GNA12: variants seen among roughly 807,000 people sequenced by gnomAD.
GNA12 encodes guanine nucleotide-binding protein subunit alpha-12.
A neutral mutation model predicts 26.0 loss-of-function variants in GNA12; 9 were observed. The observed-to-expected ratio is 0.35, with a 90% CI of 0.21 to 0.60. The LOEUF (loss-of-function observed/expected upper bound fraction) is 0.60. Ranked by LOEUF, GNA12 falls within the 20% of genes least tolerant of loss-of-function variation. The pLI, the probability that GNA12 is intolerant of heterozygous loss-of-function variation, is 0.78. For missense variants in GNA12, 405 were observed against 525.8 expected (o/e 0.77, Z 2.25); for synonymous variants, 264 against 219.6 (o/e 1.20, Z -1.79).
At chr7:2,773,917 T>C (rs1487385635) in intron 2 of GNA12, among the ~76,000 whole-genome samples, 1 of 152,072 alleles carries the variant, frequency 6.6e-6, no homozygotes, top group Non-Finnish European at 1.5e-5. Flanking sequence ...ATTCACAAAA[T>C]GGAATTACCA....
intron 2 of GNA12, among the ~76,000 whole-genome samples, chr7:2,746,697 A>C (rs535399651): frequency 1.3e-5 from 2 of 152,182 alleles, no homozygotes; most frequent in Non-Finnish European, 2.9e-5. Context: ...ATAGAGACAC[A>C]AAAAACCCTT....
intron 1 of GNA12, among the ~76,000 whole-genome samples, chr7:2,801,643 T>C (rs1767120469): frequency 6.6e-6 from 1 of 152,126 alleles, no homozygotes; most frequent in South Asian, 2.1e-4. Flanking sequence ...AACAGTTAAG[T>C]AGTAGTTTTG....
chr7:2,765,958 A>C (rs1791790141), intron 2 of GNA12, among the ~76,000 whole-genome samples: 1 of 147,754 alleles, frequency 6.8e-6, no homozygotes, highest in Non-Finnish European at 1.5e-5. Context: ...CCACTTTTTT[A>C]AAAAGTGTAG....
chr7:2,840,635 G>A (rs1301317440), intron 1 of GNA12, among the ~76,000 whole-genome samples: 2 of 152,262 alleles, frequency 1.3e-5, no homozygotes, highest in African/African-American at 4.8e-5. Context: ...GAGGCAGGTG[G>A]TTCGCTTGAG....
At position 2,844,104 on chromosome 7, in the gene GNA12, C is replaced by T; in HGVS notation, c.58G>A (p.Ala20Thr). ...CCGCTGCCCGCCCTGCGCTCGCGGG[C>T]CCCGCCGGCCTCGGCCGGCAGCAGG... ...RCLLPAEAGG[A>T]RERRAGSGAR... Residue 20 changes from alanine to threonine, a missense_variant, in exon 1 of 4, where the codon GCC (alanine) becomes ACC (threonine). Transcript: ENST00000275364. 1.0e-6 allele frequency: 1 copy of T among 996,610 alleles called. No individual in the cohort carries two copies. Among genetic ancestry groups the T allele is most frequent in the Non-Finnish European group, 1.2e-6 (1 of 839,356 alleles). The allele number at this position is 996,610 out of a possible 1,614,324, so 61.7% of individuals were successfully genotyped here. A position where few individuals can be genotyped will look rare whatever the true frequency, so the allele number is the denominator to read the frequency against.
rs1409413622 is a variant in GNA12 at position 2,829,224 on chromosome 7, G to C, written c.309+14629C>G. ...CACAAACAGGTCCCTGCCCCAGGCAGTTTAAAATCAGGCACACAGGAGGAG... is the reference window on the plus strand; with the variant it reads ...CACAAACAGGTCCCTGCCCCAGGCACTTTAAAATCAGGCACACAGGAGGAG... On this transcript the variant is annotated intron_variant, in intron 1 of 3. Transcript: ENST00000275364. Among the ~76,000 whole-genome samples, 3 of 152,230 alleles carry C rather than the reference G, an allele frequency of 2.0e-5. No individual in the cohort carries two copies. The East Asian group carries it at 5.8e-4, about 29-fold the overall frequency.
At chr7:2,771,432 G>A (rs1791946391) in intron 2 of GNA12, among the ~76,000 whole-genome samples, 1 of 152,126 alleles carries the variant, frequency 6.6e-6, no homozygotes, top group Admixed American at 6.5e-5. Flanking sequence ...AACTCCCACT[G>A]TGGCCTTATC....
intron 1 of GNA12, among the ~76,000 whole-genome samples, chr7:2,837,405 A>G (rs1243407498): frequency 2.0e-5 from 3 of 152,262 alleles, no homozygotes; most frequent in African/African-American, 7.2e-5. Flanking sequence ...GATGAGAGAG[A>G]GGGACTGAAA....
At chr7:2,769,658 G>A (rs561310819) in intron 2 of GNA12, among the ~76,000 whole-genome samples, 16 of 152,148 alleles carry the variant, frequency 1.1e-4, no homozygotes, top group Middle Eastern at 3.4e-3. Flanking sequence ...GCACGAACCC[G>A]GGAGGTGGAG....
chr7:2,737,277 T>TTGTTTTG lies in GNA12; in HGVS notation c.526-3777_526-3776insCAAAACA, dbSNP rs1355722823. On this transcript the variant is annotated intron_variant, in intron 2 of 3. Transcript: ENST00000275364. ...AGCTATCTCACAGTTTTGTTTTGTT[T>TTGTTTTG]TTTTTTTTTTTGTTTTTTTTTTTTT... is the stretch of plus-strand genomic sequence containing the variant. Among the ~76,000 whole-genome samples the TTGTTTTG allele has an allele frequency of 2.2e-3, 146 of 67,602 alleles. 2 individuals are homozygous for TTGTTTTG. Among genetic ancestry groups the TTGTTTTG allele is most frequent in the African/African-American group, 9.2e-3 (141 of 15,264 alleles). The allele number at this position is 67,602 out of a possible 152,430, so 44.3% of individuals were successfully genotyped here. A position where few individuals can be genotyped will look rare whatever the true frequency, so the allele number is the denominator to read the frequency against.
intron 1 of GNA12, among the ~76,000 whole-genome samples, chr7:2,808,803 C>T (rs1289568449): frequency 1.3e-5 from 2 of 152,316 alleles, no homozygotes; most frequent in African/African-American, 2.4e-5. Context: ...GTCAAGTTAG[C>T]CTGCTAAGCC....
intron 1 of GNA12, among the ~76,000 whole-genome samples, chr7:2,825,735 A>G (rs144907881): frequency 0.011 from 1,722 of 152,236 alleles, 16 homozygotes; most frequent in Non-Finnish European, 0.016. Flanking sequence ...ACACTGAAAG[A>G]AGGAGGATGC....
At chr7:2,744,235 C>G (rs1790655099) in intron 2 of GNA12, among the ~76,000 whole-genome samples, 1 of 152,356 alleles carries the variant, frequency 6.6e-6, no homozygotes, top group East Asian at 1.9e-4. Context: ...AAGTGGGTCC[C>G]TGACCCTGAG....
rs557616088 is a variant in GNA12 at position 2,746,096 on chromosome 7, C to T, written c.526-12595G>A. Among the ~76,000 whole-genome samples, 1,350 of 152,292 alleles carry T rather than the reference C, an allele frequency of 8.9e-3. 7 individuals carry two copies. The highest frequency in any genetic ancestry group is 0.015 in the Non-Finnish European group (1,039 of 68,018). The stretch of plus-strand genomic sequence containing the variant: ...GGAGACTTTAACACCCCACTGTCAA[C>T]ATTAGACAGATCAACGAGACAGAAA... On this transcript the variant is annotated intron_variant, in intron 2 of 3. Coordinates refer to ENST00000275364, the MANE Select transcript of GNA12 (RefSeq NM_007353.3).
intron 2 of GNA12, among the ~76,000 whole-genome samples, chr7:2,793,881 CAAAAAAA>C (rs71026557): frequency 1.0e-5 from 1 of 95,798 alleles, no homozygotes; most frequent in Non-Finnish European, 2.0e-5. Flanking sequence ...GACTCCATCT[CAAAAAAA>C]AAAAAAAAAA....
In GNA12 at chr7:2,736,495, G is replaced by A. The variant is rs578205919; in HGVS notation, c.526-2994C>T. ...GTCTGTCCTCTCACGAGCAACAGAA[G>A]GGATGAACCTGAGCAGGGGCTGGTG... On this transcript the variant is annotated intron_variant, in intron 2 of 3. Transcript: ENST00000275364. Among the ~76,000 whole-genome samples, 950 of 152,340 alleles carry A rather than the reference G, an allele frequency of 6.2e-3. 6 individuals carry two copies. Among genetic ancestry groups the A allele is most frequent in the African/African-American group, 0.022 (912 of 41,578 alleles).
In GNA12 at chr7:2,735,155, T is replaced by A. The variant is rs208357; in HGVS notation, c.526-1654A>T. ...AAGTTCCTTCCTCAGCGCCTCTCTCTCCTGCCTCCTCCTGCTCTCCTGCCC... is the reference window on the plus strand; with the variant it reads ...AAGTTCCTTCCTCAGCGCCTCTCTCACCTGCCTCCTCCTGCTCTCCTGCCC... On this transcript the variant is annotated intron_variant, in intron 2 of 3. Transcript: ENST00000275364. Among the ~76,000 whole-genome samples the A allele has an allele frequency of 2.6e-5, 4 of 152,094 alleles. No individual in the cohort carries two copies. The East Asian group carries it at 7.7e-4, about 29-fold the overall frequency.
intron 1 of GNA12, among the ~76,000 whole-genome samples, chr7:2,831,672 G>A (rs530317254): frequency 6.6e-6 from 1 of 151,918 alleles, no homozygotes; most frequent in South Asian, 2.1e-4. Context: ...CAAAGTGCTG[G>A]GATTACAGGC....
chr7:2,746,214 T>A (rs1583227564), intron 2 of GNA12, among the ~76,000 whole-genome samples: 1 of 152,242 alleles, frequency 6.6e-6, no homozygotes, highest in East Asian at 1.9e-4. Context: ...CAACAGAATA[T>A]ACATTCTTTT....
Sources: gnomAD v4.1 joint callset for allele counts (sites outside exome capture counted in the v4.1 genomes callset) on GRCh38, gnomAD v4.1.1 for gene constraint, MANE v1.5 for transcripts, NCBI Gene and HGNC (gene_info 2026-07-23, HGNC 2026-07-21) for gene names.